CEACAM20: variants seen among roughly 807,000 people sequenced by gnomAD.
CEACAM20 encodes cell adhesion molecule CEACAM20.
Under a neutral mutation model 61.2 loss-of-function variants are expected in CEACAM20, and 50 were observed. The observed-to-expected ratio is 0.82, with a 90% CI of 0.65 to 1.03. The LOEUF is 1.03. Ranked by LOEUF, CEACAM20 falls within the 50% of genes least tolerant of loss-of-function variation. The pLI, the probability that CEACAM20 is intolerant of heterozygous loss-of-function variation, is 0.00. For missense variants in CEACAM20, 683 were observed against 736.4 expected (o/e 0.93, Z 0.84); for synonymous variants, 282 against 287.7 (o/e 0.98, Z 0.20).
Position 44,522,761 on chromosome 19 carries a change from C to T in CEACAM20, c.624G>A (p.Leu208=). ...TGGTGAATGTTCTCGTGGTGTGAGA[C>T]AGAATGGAGTCAAGGAGAAACCAAG... ...AYTWFLLDSI[L]SHTTRTFTIH... is the part of the protein sequence containing the mutation. Residue 208 remains leucine, a synonymous_variant, in exon 4 of 12, where the codon CTG becomes CTA. Coordinates refer to ENST00000614924, the MANE Select transcript of CEACAM20 (RefSeq NM_001102597.3). 2 of 1,613,894 alleles carry T rather than the reference C, an allele frequency of 1.2e-6. No individual in the cohort carries two copies. Among genetic ancestry groups the T allele is most frequent in the Non-Finnish European group, 1.7e-6 (2 of 1,179,866 alleles).
At chr19:44,525,723 A>G (rs1971511441) in intron 1 of CEACAM20, among the ~76,000 whole-genome samples, 3 of 152,208 alleles carry the variant, frequency 2.0e-5, no homozygotes, top group African/African-American at 7.2e-5. Context: ...AATTACAGGC[A>G]TGAGCCCCTG....
chr19:44,512,114 C>T (rs564387349), intron 8 of CEACAM20, 36 bp from the exon 9 acceptor site: 40 of 1,545,540 alleles, frequency 2.6e-5, no homozygotes, highest in Middle Eastern at 1.7e-4. Context: ...AGCTGGAGTT[C>T]GAAAGAGATA....
intron 3 of CEACAM20, 98 bp downstream of exon 3, chr19:44,523,888 A>C: frequency 7.7e-7 from 1 of 1,296,052 alleles, no homozygotes; most frequent in Non-Finnish European, 1.0e-6. Flanking sequence ...AAAGGTAGAC[A>C]AGTCCGCATC....
chr19:44,513,077 A>G, intron 7 of CEACAM20, 95 bp downstream of exon 7: 1 of 1,306,578 alleles, frequency 7.7e-7, no homozygotes, highest in Non-Finnish European at 1.1e-6. Context: ...CAGGTGCCAG[A>G]CAAGACTCAG....
At chr19:44,512,153 C>G (rs933806580) in intron 8 of CEACAM20, 75 bp from the exon 9 acceptor site, 7 of 1,121,854 alleles carry the variant, frequency 6.2e-6, no homozygotes, top group Non-Finnish European at 9.3e-6. Context: ...TTCCAGGACC[C>G]CTGACCCCAG....
chr19:44,509,433 A>G (rs1237020275), intron 11 of CEACAM20, among the ~76,000 whole-genome samples: 3 of 152,166 alleles, frequency 2.0e-5, no homozygotes, highest in Non-Finnish European at 4.4e-5. Flanking sequence ...TGAAACTGAA[A>G]TCAATGGTAT....
chr19:44,511,240 G>A, intron 10 of CEACAM20, 85 bp from the exon 11 acceptor site: 2 of 1,530,570 alleles, frequency 1.3e-6, no homozygotes, highest in South Asian at 1.2e-5. Flanking sequence ...GGGACCGAGA[G>A]AGTGGAAGGA....
intron 5 of CEACAM20, among the ~76,000 whole-genome samples, chr19:44,518,103 AAAGGAAGGAAGGAAGG>A (rs761841554): frequency 1.2e-4 from 5 of 42,896 alleles, no homozygotes; most frequent in African/African-American, 3.4e-4. Flanking sequence ...AGAAAGAAAG[AAAGGAAGGAAGGAAGG>A]AAGGAAGGAA....
chr19:44,522,840 C>A lies in CEACAM20; in HGVS notation c.545G>T (p.Gly182Val), dbSNP rs753715606. 5.0e-6 allele frequency: 8 copies of A among 1,611,162 alleles called. No homozygotes were observed. Among genetic ancestry groups the A allele is most frequent in the South Asian group, 1.1e-5 (1 of 90,272 alleles). ...ASGEVVEVME[G>V]SSMTFLAETK... is the part of the protein sequence containing the mutation. Reference sequence around the variant, plus strand: ...TTCCGCTAAGAAGGTCATGCTGGAGCCCTCCATCACCTCAACCACCTCCCC... The same window carrying A: ...TTCCGCTAAGAAGGTCATGCTGGAGACCTCCATCACCTCAACCACCTCCCC... Residue 182 changes from glycine to valine, a missense_variant, in exon 4 of 12, where the codon GGC becomes GTC. By Grantham distance (109) the Gly-to-Val change is moderately radical. Coordinates refer to ENST00000614924, the MANE Select transcript of CEACAM20 (RefSeq NM_001102597.3).
chr19:44,520,362 C>T, intron 5 of CEACAM20, 112 bp downstream of exon 5: 2 of 1,404,252 alleles, frequency 1.4e-6, no homozygotes, highest in South Asian at 1.4e-5. Flanking sequence ...CAGATTCATG[C>T]CTGACACAGA....
rs758421617 is a variant in CEACAM20, at chr19:44,513,240, G to T, written c.1359C>A (p.Ile453=). 6.2e-7 allele frequency: 1 copy of T among 1,613,842 alleles called. No homozygotes were observed. Among genetic ancestry groups the T allele is most frequent in the Non-Finnish European group, 8.5e-7 (1 of 1,179,842 alleles). ...CCACAGCAATGACAGCCAGGATCCC[G>T]ATGACAATACCAGCGATGGCCCCTG... ...LSSGAIAGIV[I]GILAVIAVAS... Residue 453 remains isoleucine, a synonymous_variant, in exon 7 of 12, where the codon ATC becomes ATA. Coordinates refer to ENST00000614924, the MANE Select transcript of CEACAM20 (RefSeq NM_001102597.3).
intron 5 of CEACAM20, among the ~76,000 whole-genome samples, chr19:44,517,772 C>T (rs1033933310): frequency 6.6e-6 from 1 of 151,486 alleles, no homozygotes; most frequent in Non-Finnish European, 1.5e-5. Flanking sequence ...ACCCAGGCAT[C>T]AGAAATTGTT....
intron 11 of CEACAM20, among the ~76,000 whole-genome samples, chr19:44,510,108 A>T (rs1020144380): frequency 6.6e-6 from 1 of 152,166 alleles, no homozygotes; most frequent in Non-Finnish European, 1.5e-5. Flanking sequence ...AAAAATAAAA[A>T]TGGATAAAAT....
At chr19:44,528,639 A>T in intron 1 of CEACAM20, among the ~76,000 whole-genome samples, 1 of 149,578 alleles carries the variant, frequency 6.7e-6, no homozygotes, top group Non-Finnish European at 1.5e-5. Flanking sequence ...TGTGGCTGTG[A>T]CTCCATCTTT....
At chr19:44,515,710 T>C (rs771671145) in intron 6 of CEACAM20, among the ~76,000 whole-genome samples, 3 of 152,128 alleles carry the variant, frequency 2.0e-5, no homozygotes, top group Non-Finnish European at 2.9e-5. Flanking sequence ...AAGTCTGTAA[T>C]CTCAGCACGT....
At chr19:44,527,465 G>A (rs1038265698) in intron 1 of CEACAM20, among the ~76,000 whole-genome samples, 5 of 152,122 alleles carry the variant, frequency 3.3e-5, no homozygotes, top group African/African-American at 1.2e-4. Context: ...GAAAAATGGC[G>A]GTAGTAACAG....
chr19:44,517,644 C>T (rs1449323290), intron 5 of CEACAM20, among the ~76,000 whole-genome samples: 1 of 150,866 alleles, frequency 6.6e-6, no homozygotes, highest in Non-Finnish European at 1.5e-5. Flanking sequence ...TTGCAGTGAG[C>T]CAAGCTCATG....
chr19:44,513,931 A>G (rs1205421093), intron 6 of CEACAM20, among the ~76,000 whole-genome samples: 1 of 152,170 alleles, frequency 6.6e-6, no homozygotes, highest in Non-Finnish European at 1.5e-5. Context: ...TTTTCTATAT[A>G]TATAGTGTTT....
intron 11 of CEACAM20, 60 bp downstream of exon 11, chr19:44,510,970 A>T: frequency 6.2e-7 from 1 of 1,607,554 alleles, no homozygotes; most frequent in Non-Finnish European, 8.5e-7. Context: ...AGTAGGGAAG[A>T]AAAAGCAGAT....
Sources: allele counts gnomAD v4.1 joint callset (sites outside exome capture counted in the v4.1 genomes callset), GRCh38; gene constraint gnomAD v4.1.1; transcripts MANE v1.5; gene names NCBI Gene and HGNC (gene_info 2026-07-23, HGNC 2026-07-21).